PTPN9: variants seen among roughly 807,000 people sequenced by gnomAD.
PTPN9 encodes protein tyrosine phosphatase non-receptor type 9, also known as tyrosine-protein phosphatase non-receptor type 9.
A neutral mutation model predicts 69.8 loss-of-function variants in PTPN9; 26 were observed. That is an observed-to-expected ratio of 0.37 (90% CI 0.27 to 0.52). The LOEUF is 0.52. Among genes scored for constraint, PTPN9 ranks in the 20% least tolerant of loss-of-function variants. The probability of loss-of-function intolerance (pLI) is 0.91; values close to 1 mark genes in which losing one functional copy is unlikely to be tolerated. For synonymous variants in PTPN9, 274 were observed against 272.5 expected (o/e 1.01, Z -0.05); for missense variants, 549 against 740.3 (o/e 0.74, Z 3.00).
At position 75,490,313 on chromosome 15, in the gene PTPN9, GAAAC is replaced by G. The variant is rs2074702190; in HGVS notation, c.969-16_969-13del. On this transcript the variant is annotated splice_polypyrimidine_tract_variant and intron_variant, in intron 7 of 12. Coordinates refer to ENST00000618819, the MANE Select transcript of PTPN9 (RefSeq NM_002833.4). ...GGTTTCCTGGAGACCTGAAGGAAAC[GAAAC>G]AAACAAGCAAGAATAAAGAAAAAGT... 6.4e-7 allele frequency: 1 copy of G among 1,571,148 alleles called. No individual in the cohort carries two copies. Among genetic ancestry groups the G allele is most frequent in the Non-Finnish European group, 8.8e-7 (1 of 1,141,176 alleles).
chr15:75,481,885 C>T (rs113661050), intron 8 of PTPN9, among the ~76,000 whole-genome samples: 89 of 144,112 alleles, frequency 6.2e-4, no homozygotes, highest in African/African-American at 2.1e-3. Flanking sequence ...GGTGAGGGGG[C>T]GCCTCTGCCC....
At position 75,576,548 on chromosome 15, in the gene PTPN9, G is replaced by A. The variant is rs545480880; in HGVS notation, c.63+2166C>T. On this transcript the variant is annotated intron_variant, in intron 1 of 12. Transcript: ENST00000618819. ...ACTCCGGCCAGGCGCAGTAACTCACGACTGTAATCCCAGCACTTTTGGAGG... is the reference window on the plus strand; with the variant it reads ...ACTCCGGCCAGGCGCAGTAACTCACAACTGTAATCCCAGCACTTTTGGAGG... Among the ~76,000 whole-genome samples, 6 of 151,332 alleles carry A rather than the reference G, an allele frequency of 4.0e-5. No homozygotes were observed. The East Asian group carries it at 7.8e-4, about 20-fold the overall frequency.
intron 7 of PTPN9, among the ~76,000 whole-genome samples, chr15:75,504,419 C>T (rs2074801801): frequency 7.7e-6 from 1 of 129,378 alleles, no homozygotes; most frequent in African/African-American, 3.0e-5. Flanking sequence ...CCGACCCGTC[C>T]GGGAGGGAGG....
chr15:75,545,668 G>A lies in PTPN9; in HGVS notation c.64-18407C>T, dbSNP rs187399831. 3.7e-3 allele frequency among the ~76,000 whole-genome samples: 563 copies of A among 152,240 alleles called. 3 individuals carry two copies. Among genetic ancestry groups the A allele is most frequent in the Non-Finnish European group, 5.7e-3 (391 of 68,018 alleles). On this transcript the variant is annotated intron_variant, in intron 1 of 12. Transcript: ENST00000618819. Reference sequence around the variant, plus strand: ...TTAAAATAAATTTATGGCCAGGCGCGGTGGCTCATGCCTGTAATCCCAGCA... The same window carrying A: ...TTAAAATAAATTTATGGCCAGGCGCAGTGGCTCATGCCTGTAATCCCAGCA...
chr15:75,526,696 C>T (rs1399051351), intron 2 of PTPN9, among the ~76,000 whole-genome samples: 1 of 152,148 alleles, frequency 6.6e-6, no homozygotes, highest in East Asian at 1.9e-4. Flanking sequence ...AGTGTTAAAA[C>T]TTCCCTTCCT....
chr15:75,531,837 G>C (rs776694548), intron 1 of PTPN9, among the ~76,000 whole-genome samples: 3 of 151,556 alleles, frequency 2.0e-5, no homozygotes, highest in Non-Finnish European at 4.4e-5. Context: ...GGGATTACAG[G>C]CGTGAGCCAC....
chr15:75,515,426 C>CAAAAA (rs34643551), intron 5 of PTPN9, among the ~76,000 whole-genome samples: 5 of 69,336 alleles, frequency 7.2e-5, no homozygotes, highest in African/African-American at 1.0e-4. Flanking sequence ...GACTCCGTCT[C>CAAAAA]AAAAAAAAAA....
intron 1 of PTPN9, among the ~76,000 whole-genome samples, chr15:75,542,406 G>A (rs890112223): frequency 6.6e-6 from 1 of 152,130 alleles, no homozygotes; most frequent in Non-Finnish European, 1.5e-5. Context: ...GAAACCATGG[G>A]ACTCTTCCAT....
At chr15:75,533,103 G>A (rs1172448795) in intron 1 of PTPN9, among the ~76,000 whole-genome samples, 1 of 152,192 alleles carries the variant, frequency 6.6e-6, no homozygotes, top group East Asian at 1.9e-4. Flanking sequence ...ATCTATCTAT[G>A]CTTATGAAAC....
chr15:75,536,680 A>G (rs555908204), intron 1 of PTPN9, among the ~76,000 whole-genome samples: 12 of 152,286 alleles, frequency 7.9e-5, no homozygotes, highest in African/African-American at 2.4e-4. Flanking sequence ...CCAGACTGGG[A>G]AGGCCCTTGT....
At chr15:75,476,832 C>T (rs1825355737) in intron 9 of PTPN9, among the ~76,000 whole-genome samples, 1 of 152,184 alleles carries the variant, frequency 6.6e-6, no homozygotes, top group African/African-American at 2.4e-5. Context: ...GCCTCATCCA[C>T]ATCCTACTCT....
intron 1 of PTPN9, among the ~76,000 whole-genome samples, chr15:75,565,886 G>C (rs1161497442): frequency 6.6e-6 from 1 of 152,056 alleles, no homozygotes; most frequent in Non-Finnish European, 1.5e-5. Flanking sequence ...AATGAGCTAA[G>C]GTAGCCTCAG....
intron 8 of PTPN9, 143 bp downstream of exon 8, chr15:75,490,065 A>C: frequency 1.5e-6 from 1 of 669,324 alleles, no homozygotes; most frequent in Non-Finnish European, 2.6e-6. Context: ...GTCACAGACT[A>C]GTATGTAGCA....
chr15:75,572,682 G>A (rs2075153612), intron 1 of PTPN9, among the ~76,000 whole-genome samples: 1 of 152,006 alleles, frequency 6.6e-6, no homozygotes, highest in African/African-American at 2.4e-5. Flanking sequence ...GCTCCAGCCT[G>A]GGCGACAGAG....
At chr15:75,477,652 A>C (rs1376041882) in intron 9 of PTPN9, among the ~76,000 whole-genome samples, 1 of 152,104 alleles carries the variant, frequency 6.6e-6, no homozygotes, top group Non-Finnish European at 1.5e-5. Flanking sequence ...ATGATATTTT[A>C]TTCCTAAATA....
At chr15:75,471,829 T>G (rs1361726801) in intron 10 of PTPN9, among the ~76,000 whole-genome samples, 1 of 151,444 alleles carries the variant, frequency 6.6e-6, no homozygotes, top group African/African-American at 2.4e-5. Context: ...GCAGAATAGC[T>G]TCAACCTGGG....
intron 1 of PTPN9, among the ~76,000 whole-genome samples, chr15:75,545,099 G>A (rs2075026433): frequency 6.6e-6 from 1 of 152,130 alleles, no homozygotes; most frequent in African/African-American, 2.4e-5. Flanking sequence ...AAGATGCAGG[G>A]GCCAAGGGTT....
At chr15:75,551,285 A>T (rs1370167490) in intron 1 of PTPN9, among the ~76,000 whole-genome samples, 1 of 152,106 alleles carries the variant, frequency 6.6e-6, no homozygotes, top group Admixed American at 6.5e-5. Context: ...CAGAGAAGTT[A>T]GGACTTCACC....
At position 75,540,543 on chromosome 15, in the gene PTPN9, T is replaced by TAAA. The variant is rs1295928433; in HGVS notation, c.64-13285_64-13283dup. ...GGGTGACAGAGCAAGACTCTGTCTC[T>TAAA]AAAAAAAAAAAAAAAAAAAGAAAGA... On this transcript the variant is annotated intron_variant, in intron 1 of 12. Coordinates refer to ENST00000618819, the MANE Select transcript of PTPN9 (RefSeq NM_002833.4). Among the ~76,000 whole-genome samples, 304 of 112,772 alleles carry TAAA rather than the reference T, an allele frequency of 2.7e-3. 4 individuals are homozygous for TAAA. Among genetic ancestry groups the TAAA allele is most frequent in the African/African-American group, 9.5e-3 (275 of 28,918 alleles). The allele number at this position is 112,772 out of a possible 152,430, so 74.0% of individuals were successfully genotyped here.
Sources: allele counts gnomAD v4.1 joint callset (sites outside exome capture counted in the v4.1 genomes callset), GRCh38; gene constraint gnomAD v4.1.1; transcripts MANE v1.5; gene names NCBI Gene and HGNC (gene_info 2026-07-23, HGNC 2026-07-21).